HSP90AA1: variants seen among roughly 807,000 people sequenced by gnomAD.
The protein encoded by HSP90AA1 is heat shock protein HSP 90-alpha.
A neutral mutation model predicts 73.3 loss-of-function variants in HSP90AA1; 18 were observed. The observed-to-expected ratio is 0.25, with a 90% CI of 0.17 to 0.36. HSP90AA1 has a LOEUF of 0.36. Ranked by LOEUF, HSP90AA1 falls within the 10% of genes least tolerant of loss-of-function variation. HSP90AA1 has a pLI of 1.00. For missense variants in HSP90AA1, 704 were observed against 874.2 expected, an observed-to-expected ratio of 0.81 and a Z score of 2.45; for synonymous variants, 477 against 296.9, an observed-to-expected ratio of 1.61 and a Z score of -6.24.
intron 2 of HSP90AA1, among the ~76,000 whole-genome samples, chr14:102,093,125 T>C (rs2049380001): frequency 6.6e-6 from 1 of 151,680 alleles, no homozygotes; most frequent in Middle Eastern, 3.2e-3. Flanking sequence ...TATAGTTATA[T>C]AGGAAAATTA....
At chr14:102,085,199 C>T in intron 4 of HSP90AA1, 99 bp downstream of exon 4, 1 of 1,452,072 alleles carries the variant, frequency 6.9e-7, no homozygotes, top group Non-Finnish European at 9.6e-7. Context: ...GTTCCCCAGG[C>T]TTCAGACTAG....
At chr14:102,099,124 G>A (rs7145597) in intron 2 of HSP90AA1, among the ~76,000 whole-genome samples, 13,938 of 152,222 alleles carry the variant, frequency 0.092, 1,031 homozygotes, top group African/African-American at 0.2. Flanking sequence ...TTCATACTTC[G>A]AGTGGCTAAG....
intron 1 of HSP90AA1, among the ~76,000 whole-genome samples, chr14:102,103,789 A>G (rs1459817160): frequency 6.6e-6 from 1 of 151,278 alleles, no homozygotes; most frequent in Admixed American, 6.6e-5. Context: ...GGGCAACAAA[A>G]GCAAAACTCC....
rs545290176 is a variant in HSP90AA1 at position 102,085,549 on chromosome 14, CCACCACAGCAGAACCTTTTGGGCAAGGT to C, written c.530-146_530-119del. On this transcript the variant is annotated intron_variant, in intron 3 of 10. Transcript: ENST00000216281. ...TTTGCCGTTACTACAGATGCAAAGG[CCACCACAGCAGAACCTTTTGGGCAAGGT>C]GCCTCGCCCAAAAGAACCGCCCACC... is the stretch of plus-strand genomic sequence containing the variant. 4,579 of 1,220,302 alleles carry C rather than the reference CCACCACAGCAGAACCTTTTGGGCAAGGT, an allele frequency of 3.8e-3. 16 individuals carry two copies. The highest frequency in any genetic ancestry group is 4.4e-3 in the South Asian group (353 of 79,914). The allele number at this position is 1,220,302 out of a possible 1,614,324, so 75.6% of individuals were successfully genotyped here.
At chr14:102,103,267 T>G (rs1193740764) in intron 1 of HSP90AA1, among the ~76,000 whole-genome samples, 1 of 139,602 alleles carries the variant, frequency 7.2e-6, no homozygotes, top group Non-Finnish European at 1.5e-5. Context: ...TCTAGTGCAG[T>G]GGCATGATCA....
chr14:102,088,790 C>T (rs1460230070), upstream of HSP90AA1, among the ~76,000 whole-genome samples: 2 of 152,244 alleles, frequency 1.3e-5, no homozygotes, highest in Non-Finnish European at 1.5e-5. Flanking sequence ...CAGCCACTGT[C>T]CCCGCTCTCC....
At chr14:102,087,461 C>T (rs1383328802), upstream of HSP90AA1, among the ~76,000 whole-genome samples, 1 of 151,896 alleles carries the variant, frequency 6.6e-6, no homozygotes, top group Non-Finnish European at 1.5e-5. Context: ...CCGGGCTGAG[C>T]GGAACGCGGG....
At chr14:102,101,844 G>A (rs545566871) in intron 2 of HSP90AA1, 2 of 1,558,304 alleles carry the variant, frequency 1.3e-6, no homozygotes, top group Admixed American at 3.3e-5. Context: ...GAAATGTTTA[G>A]GATAGTAATT....
intron 1 of HSP90AA1, among the ~76,000 whole-genome samples, chr14:102,108,715 T>G (rs551308279): frequency 6.6e-6 from 1 of 151,920 alleles, no homozygotes; most frequent in East Asian, 1.9e-4. Context: ...TTTTGTATTT[T>G]TAGTAGAGAC....
intron 1 of HSP90AA1, among the ~76,000 whole-genome samples, chr14:102,136,604 T>TG (rs2050000909): frequency 6.7e-6 from 1 of 148,706 alleles, no homozygotes; most frequent in South Asian, 2.1e-4. Context: ...ATACCCGGTT[T>TG]GGGCCGGGCG....
upstream of HSP90AA1, among the ~76,000 whole-genome samples, chr14:102,088,753 C>G (rs887629904): frequency 6.6e-6 from 1 of 152,154 alleles, no homozygotes; most frequent in Non-Finnish European, 1.5e-5. Flanking sequence ...CGACTGCCGC[C>G]TTTGCCTGTT....
chr14:102,081,510 CAA>C lies in HSP90AA1; in HGVS notation c.*200_*201del. On this transcript the variant is annotated 3_prime_UTR_variant, in exon 11 of 11. Transcript: ENST00000216281. ...TGTGAAAATAAACCAACATGAAACT[CAA>C]AAAGCATTACTAGCTCTGCTTTAGT... 1.7e-6 allele frequency: 1 copy of C among 601,274 alleles called. No homozygotes were observed. Among genetic ancestry groups the C allele is most frequent in the South Asian group, 2.0e-5 (1 of 49,724 alleles). 37.2% of individuals were successfully genotyped at this position (601,274 alleles called of 1,614,324 possible). A position where few individuals can be genotyped will look rare whatever the true frequency, so the allele number is the denominator to read the frequency against.
intron 1 of HSP90AA1, among the ~76,000 whole-genome samples, chr14:102,102,591 C>T (rs528937653): frequency 6.6e-6 from 1 of 152,308 alleles, no homozygotes; most frequent in African/African-American, 2.4e-5. Context: ...ATCAATGACA[C>T]GAGTTCCCTG....
At chr14:102,136,500 C>G (rs1402744265) in intron 1 of HSP90AA1, among the ~76,000 whole-genome samples, 1 of 125,552 alleles carries the variant, frequency 8.0e-6, no homozygotes, top group Non-Finnish European at 1.6e-5. Flanking sequence ...ACCCGGGAGG[C>G]AGAGGTTACG....
At chr14:102,103,781 G>A (rs2049526866) in intron 1 of HSP90AA1, among the ~76,000 whole-genome samples, 1 of 148,874 alleles carries the variant, frequency 6.7e-6, no homozygotes, top group African/African-American at 2.5e-5. Context: ...TCTAGCCTGG[G>A]CAACAAAAGC....
rs1313061257 is a variant in HSP90AA1, at chr14:102,087,031, A to C, written c.-46T>G. ...GGACCAACGGCACAGCCACACCGGGACGCTGAAGCAACTGACGCGCCACCC... is the reference window on the plus strand; with the variant it reads ...GGACCAACGGCACAGCCACACCGGGCCGCTGAAGCAACTGACGCGCCACCC... On this transcript the variant is annotated 5_prime_UTR_variant, in exon 1 of 11. Coordinates refer to ENST00000216281, the MANE Select transcript of HSP90AA1 (RefSeq NM_005348.4). 2.0e-6 allele frequency: 2 copies of C among 985,046 alleles called. No homozygotes were observed. The highest frequency in any genetic ancestry group is 1.8e-5 in the African/African-American group (1 of 57,074). The allele number at this position is 985,046 out of a possible 1,614,324, so 61.0% of individuals were successfully genotyped here. A position where few individuals can be genotyped will look rare whatever the true frequency, so the allele number is the denominator to read the frequency against.
At chr14:102,130,240 A>G (rs1038836869) in intron 1 of HSP90AA1, among the ~76,000 whole-genome samples, 4 of 152,116 alleles carry the variant, frequency 2.6e-5, no homozygotes, top group Non-Finnish European at 4.4e-5. Context: ...AAACGCTGGG[A>G]TTACAGACAT....
intron 1 of HSP90AA1, among the ~76,000 whole-genome samples, chr14:102,117,006 C>T (rs1372903665): frequency 2.0e-5 from 3 of 152,174 alleles, no homozygotes; most frequent in Non-Finnish European, 2.9e-5. Flanking sequence ...GCACCCACTC[C>T]GATCTCAGAG....
At chr14:102,132,466 G>C (rs1004341156) in intron 1 of HSP90AA1, among the ~76,000 whole-genome samples, 1 of 152,122 alleles carries the variant, frequency 6.6e-6, no homozygotes, top group African/African-American at 2.4e-5. Context: ...AGGATGGCTT[G>C]AGCCTGGAAG....
Sources: gnomAD v4.1 joint callset for allele counts (sites outside exome capture counted in the v4.1 genomes callset) on GRCh38, gnomAD v4.1.1 for gene constraint, MANE v1.5 for transcripts, NCBI Gene and HGNC (gene_info 2026-07-23, HGNC 2026-07-21) for gene names.